Variants in CDK14 observed in about 807,000 individuals in gnomAD.
CDK14 encodes cyclin dependent kinase 14, also known as cyclin-dependent kinase 14.
Under a neutral mutation model 60.7 loss-of-function variants are expected in CDK14, and 34 were observed. The observed-to-expected ratio is 0.56, with a 90% CI of 0.43 to 0.75. The LOEUF (loss-of-function observed/expected upper bound fraction) is 0.75, where lower values mean the gene tolerates loss of function less well. Among genes scored for constraint, CDK14 ranks in the 30% least tolerant of loss-of-function variants. CDK14 has a pLI of 0.00. For synonymous variants in CDK14, 197 were observed against 203.7 expected, an observed-to-expected ratio of 0.97 and a Z score of 0.28; for missense variants, 482 against 564.1, an observed-to-expected ratio of 0.85 and a Z score of 1.47.
intron 4 of CDK14, among the ~76,000 whole-genome samples, chr7:90,766,899 C>T (rs1362352938): frequency 6.6e-6 from 1 of 152,170 alleles, no homozygotes; most frequent in African/African-American, 2.4e-5. Context: ...GCTCTGGCTG[C>T]TCCCACACAC....
In CDK14 at chr7:90,596,669, C is replaced by A. The variant is rs781697612; in HGVS notation, c.42C>A (p.Gly14=). 2.4e-5 allele frequency: 39 copies of A among 1,612,094 alleles called. No homozygotes were observed. Among genetic ancestry groups the A allele is most frequent in the Admixed American group, 2.0e-4 (12 of 59,984 alleles). Residue 14 remains glycine, a synonymous_variant, in exon 1 of 15, where the codon GGC becomes GGA. Transcript: ENST00000380050. ...AGCCGCAGCCGGCCGAGAAGATCGGCAAGATGAAGAAGTTGCGGAGAACTT... is the reference window on the plus strand; with the variant it reads ...AGCCGCAGCCGGCCGAGAAGATCGGAAAGATGAAGAAGTTGCGGAGAACTT... ...LIEPQPAEKI[G]KMKKLRRTLS...
chr7:90,863,540 T>G (rs930877478), intron 6 of CDK14, among the ~76,000 whole-genome samples: 1 of 152,146 alleles, frequency 6.6e-6, no homozygotes, highest in Non-Finnish European at 1.5e-5. Context: ...TACATTGTAA[T>G]TTTTAGGTTT....
At chr7:91,103,704 T>C (rs1290154839) in intron 12 of CDK14, among the ~76,000 whole-genome samples, 1 of 152,208 alleles carries the variant, frequency 6.6e-6, no homozygotes, top group Non-Finnish European at 1.5e-5. Flanking sequence ...TTCTGAGGTA[T>C]AAAAACTAAC....
chr7:90,622,937 T>A (rs1350433448), intron 2 of CDK14, among the ~76,000 whole-genome samples: 2 of 150,358 alleles, frequency 1.3e-5, no homozygotes, highest in African/African-American at 4.9e-5. Flanking sequence ...TTTTTTTTTT[T>A]TAGCACTCTG....
At chr7:90,805,421 A>G (rs1788785830) in intron 5 of CDK14, among the ~76,000 whole-genome samples, 1 of 127,004 alleles carries the variant, frequency 7.9e-6, no homozygotes, top group Admixed American at 8.7e-5. Flanking sequence ...CTTTGAATAG[A>G]AAGGAATTTT....
chr7:90,611,004 A>G (rs150590134), intron 2 of CDK14, among the ~76,000 whole-genome samples: 312 of 152,230 alleles, frequency 2.0e-3, no homozygotes, highest in African/African-American at 6.8e-3. Flanking sequence ...CATTTGCTCC[A>G]GTCTTACCTC....
intron 14 of CDK14, among the ~76,000 whole-genome samples, chr7:91,137,694 GTGTGTGTGTGTGTGTGTGTGTATGTGT>G (rs1800325891): frequency 1.9e-5 from 2 of 105,164 alleles, no homozygotes; most frequent in South Asian, 6.0e-4. Flanking sequence ...CTTGTGGGGG[GTGTGTGTGTGTGTGTGTGTGTATGTGT>G]GTGTGTGTGT....
rs542382166 is a variant in CDK14 at position 90,909,216 on chromosome 7, C to T, written c.703-8385C>T. 8.5e-5 allele frequency among the ~76,000 whole-genome samples: 13 copies of T among 152,200 alleles called. No individual in the cohort carries two copies. The East Asian group carries it at 1.9e-3, about 23-fold the overall frequency. ...GAAAAGCACTTATCAGTCAGGTCAGCCCTATAATTCTGGCAGACAGAAACT... is the reference window on the plus strand; with the variant it reads ...GAAAAGCACTTATCAGTCAGGTCAGTCCTATAATTCTGGCAGACAGAAACT... On this transcript the variant is annotated intron_variant, in intron 7 of 14. Transcript: ENST00000380050.
Position 90,596,737 on chromosome 7 carries a change from C to A in CDK14, c.91+19C>A. On this transcript the variant is annotated intron_variant, in intron 1 of 14. Transcript: ENST00000380050. ...CGCATTGGTGAGTAGCGCGCTGCCCCCGGCCCCCCCAGCGCCCGCTCCCCT... is the reference window on the plus strand; with the variant it reads ...CGCATTGGTGAGTAGCGCGCTGCCCACGGCCCCCCCAGCGCCCGCTCCCCT... The A allele has an allele frequency of 6.3e-7, 1 of 1,595,512 alleles. No individual in the cohort carries two copies.
At chr7:90,875,917 G>T (rs1286325238) in intron 6 of CDK14, among the ~76,000 whole-genome samples, 1 of 151,712 alleles carries the variant, frequency 6.6e-6, no homozygotes, top group African/African-American at 2.4e-5. Flanking sequence ...ATTCTTCCTT[G>T]TTTCAAGGTT....
At chr7:91,127,889 A>T (rs1020973128) in intron 14 of CDK14, among the ~76,000 whole-genome samples, 1 of 152,246 alleles carries the variant, frequency 6.6e-6, no homozygotes, top group Non-Finnish European at 1.5e-5. Context: ...TTCATACTAA[A>T]CTCCAAATTA....
intron 7 of CDK14, among the ~76,000 whole-genome samples, chr7:90,914,827 G>T (rs532782981): frequency 6.6e-6 from 1 of 152,058 alleles, no homozygotes; most frequent in Non-Finnish European, 1.5e-5. Context: ...ATTCCAAGGC[G>T]CCTGTTATTT....
intron 7 of CDK14, among the ~76,000 whole-genome samples, chr7:90,906,535 CT>C (rs1193042284): frequency 3.3e-5 from 5 of 151,598 alleles, no homozygotes; most frequent in Non-Finnish European, 7.4e-5. Flanking sequence ...GCAATTTTGA[CT>C]TTTAGTTTCA....
intron 4 of CDK14, among the ~76,000 whole-genome samples, chr7:90,785,002 C>G (rs1458773538): frequency 6.6e-6 from 1 of 152,168 alleles, no homozygotes; most frequent in Non-Finnish European, 1.5e-5. Context: ...CTCCAGCATT[C>G]TACTGTCACT....
chr7:90,759,457 A>C (rs28652611), intron 4 of CDK14, among the ~76,000 whole-genome samples: 141 of 152,352 alleles, frequency 9.3e-4, no homozygotes, highest in African/African-American at 3.3e-3. Context: ...ATTGGCTTTA[A>C]GCAATATGAT....
At chr7:90,827,965 T>A (rs904507519) in intron 5 of CDK14, among the ~76,000 whole-genome samples, 4 of 152,172 alleles carry the variant, frequency 2.6e-5, no homozygotes, top group African/African-American at 4.8e-5. Flanking sequence ...CCTTTCAATT[T>A]AAAAATCACA....
chr7:91,129,774 A>G (rs1800062687), intron 14 of CDK14, among the ~76,000 whole-genome samples: 1 of 152,156 alleles, frequency 6.6e-6, no homozygotes, highest in Admixed American at 6.6e-5. Context: ...GCCACTGTGA[A>G]CTGGACAGTG....
intron 5 of CDK14, among the ~76,000 whole-genome samples, chr7:90,820,915 G>A (rs1412813136): frequency 6.6e-6 from 1 of 152,146 alleles, no homozygotes; most frequent in Non-Finnish European, 1.5e-5. Context: ...AAAGATATCA[G>A]TTTCTCAGGT....
chr7:91,031,412 G>C (rs906507106), intron 10 of CDK14, among the ~76,000 whole-genome samples: 1 of 151,226 alleles, frequency 6.6e-6, no homozygotes, highest in Non-Finnish European at 1.5e-5. Context: ...GTAATGTTAA[G>C]TGAAAAAAAA....
Sources: gnomAD v4.1 joint callset for allele counts (sites outside exome capture counted in the v4.1 genomes callset) on GRCh38, gnomAD v4.1.1 for gene constraint, MANE v1.5 for transcripts, NCBI Gene and HGNC (gene_info 2026-07-23, HGNC 2026-07-21) for gene names.